Variants in SUPT3H observed in about 807,000 individuals in gnomAD.
SUPT3H encodes the protein SPT3 homolog, SAGA and STAGA complex component, also known as transcription initiation protein SPT3 homolog.
A neutral mutation model predicts 44.3 loss-of-function variants in SUPT3H; 44 were observed. That is an observed-to-expected ratio of 0.99 (90% CI 0.78 to 1.28). SUPT3H has a LOEUF of 1.28. Among genes scored for constraint, SUPT3H ranks in the 50% most tolerant of loss-of-function variants. The probability of loss-of-function intolerance (pLI) is 0.00; values close to 1 mark genes in which losing one functional copy is unlikely to be tolerated. For synonymous variants in SUPT3H, 124 were observed against 125.6 expected (o/e 0.99, Z 0.09); for missense variants, 380 against 387.1 (o/e 0.98, Z 0.15).
rs578126522 is a variant in SUPT3H, at chr6:45,328,879, T to C, written c.101+36322A>G. The C allele has an allele frequency of 6.1e-5, 78 of 1,283,570 alleles. No individual in the cohort carries two copies. In the East Asian group the frequency reaches 1.8e-3, roughly 29 times the overall value. 79.5% of individuals were successfully genotyped at this position (1,283,570 alleles called of 1,614,324 possible). On this transcript the variant is annotated intron_variant, in intron 2 of 10. Coordinates refer to ENST00000371459, the MANE Select transcript of SUPT3H (RefSeq NM_003599.4). Reference sequence around the variant, plus strand: ...AAACTGCTAGCTTTTCCAAATAGCATATTAAAGATCCTAATTATGCTATCT... The same window carrying C: ...AAACTGCTAGCTTTTCCAAATAGCACATTAAAGATCCTAATTATGCTATCT...
intron 2 of SUPT3H, among the ~76,000 whole-genome samples, chr6:45,296,281 G>A (rs1056473900): frequency 8.6e-5 from 13 of 151,674 alleles, no homozygotes; most frequent in African/African-American, 3.2e-4. Context: ...AATGAGACTA[G>A]AGACTATTAC....
chr6:45,023,409 C>T (rs978652839), intron 3 of SUPT3H, among the ~76,000 whole-genome samples: 7 of 152,086 alleles, frequency 4.6e-5, no homozygotes, highest in Non-Finnish European at 1.0e-4. Context: ...CCATTGGACC[C>T]AGCAATCCTA....
At chr6:44,913,961 T>C (rs1188462903) in intron 10 of SUPT3H, among the ~76,000 whole-genome samples, 1 of 152,168 alleles carries the variant, frequency 6.6e-6, no homozygotes, top group Non-Finnish European at 1.5e-5. Flanking sequence ...ATATTTTCCA[T>C]TTAATAGCTC....
chr6:44,867,574 A>T (rs79387618), intron 10 of SUPT3H, among the ~76,000 whole-genome samples: 1 of 147,100 alleles, frequency 6.8e-6, no homozygotes, highest in African/African-American at 2.5e-5. Flanking sequence ...ACTTTTTTTT[A>T]AGCAGTAATA....
At chr6:45,299,567 G>A (rs1781816639) in intron 2 of SUPT3H, among the ~76,000 whole-genome samples, 1 of 151,878 alleles carries the variant, frequency 6.6e-6, no homozygotes, top group Non-Finnish European at 1.5e-5. Context: ...GAGGAATACT[G>A]TACACAGTCA....
chr6:44,980,510 G>A (rs1184895069), intron 6 of SUPT3H, among the ~76,000 whole-genome samples: 1 of 152,120 alleles, frequency 6.6e-6, no homozygotes, highest in East Asian at 1.9e-4. Context: ...ACCAAACGTG[G>A]CTGAGGGTAA....
At chr6:44,835,767 A>T (rs1305090285) in intron 10 of SUPT3H, among the ~76,000 whole-genome samples, 1 of 152,090 alleles carries the variant, frequency 6.6e-6, no homozygotes, top group African/African-American at 2.4e-5. Flanking sequence ...CAAGCTTTAT[A>T]GTAAAAATCA....
At chr6:44,902,119 C>T (rs368085803) in intron 10 of SUPT3H, among the ~76,000 whole-genome samples, 6 of 152,224 alleles carry the variant, frequency 3.9e-5, no homozygotes, top group Non-Finnish European at 7.4e-5. Flanking sequence ...CATCAACTAA[C>T]GAGCAAAATC....
At chr6:44,925,023 TC>T (rs1276371635) in intron 10 of SUPT3H, among the ~76,000 whole-genome samples, 9 of 152,194 alleles carry the variant, frequency 5.9e-5, no homozygotes, top group African/African-American at 2.2e-4. Flanking sequence ...ATCAAAATGA[TC>T]AAAACAATCT....
chr6:45,131,660 T>C (rs1803487505), intron 2 of SUPT3H, among the ~76,000 whole-genome samples: 1 of 152,224 alleles, frequency 6.6e-6, no homozygotes, highest in Non-Finnish European at 1.5e-5. Flanking sequence ...ACGGAATATG[T>C]ATAAATATGA....
At chr6:45,359,142 T>A (rs1314390120) in intron 2 of SUPT3H, among the ~76,000 whole-genome samples, 1 of 152,178 alleles carries the variant, frequency 6.6e-6, no homozygotes, top group East Asian at 1.9e-4. Flanking sequence ...ATGAGAGAAT[T>A]GATAGTAATA....
At chr6:45,024,762 C>T (rs1785701231) in intron 3 of SUPT3H, among the ~76,000 whole-genome samples, 1 of 152,186 alleles carries the variant, frequency 6.6e-6, no homozygotes, top group Admixed American at 6.5e-5. Context: ...AATCAGTAGA[C>T]TGAGTAGCAG....
intron 2 of SUPT3H, among the ~76,000 whole-genome samples, chr6:45,156,161 A>G (rs1013671542): frequency 2.0e-5 from 3 of 152,190 alleles, no homozygotes; most frequent in Non-Finnish European, 2.9e-5. Flanking sequence ...ACGATGCTTA[A>G]AAACATTTTA....
chr6:45,339,511 T>C (rs1012851068), intron 2 of SUPT3H, among the ~76,000 whole-genome samples: 5 of 152,112 alleles, frequency 3.3e-5, no homozygotes, highest in African/African-American at 1.2e-4. Context: ...TTCCTTCCTT[T>C]TCTTCCAATA....
intron 6 of SUPT3H, among the ~76,000 whole-genome samples, chr6:44,984,253 A>C (rs10948194): frequency 0.42 from 63,282 of 151,920 alleles, 13,551 homozygotes; most frequent in East Asian, 0.69. Flanking sequence ...TAATCCAGTG[A>C]GCTGGGCCTG....
intron 6 of SUPT3H, among the ~76,000 whole-genome samples, chr6:44,969,443 C>G (rs921956343): frequency 2.0e-5 from 3 of 151,698 alleles, no homozygotes; most frequent in Non-Finnish European, 4.4e-5. Context: ...ACAGAAAAAG[C>G]ATTTCAAAAG....
At chr6:45,290,425 T>A (rs1288705133) in intron 2 of SUPT3H, among the ~76,000 whole-genome samples, 1 of 144,626 alleles carries the variant, frequency 6.9e-6, no homozygotes, top group Admixed American at 7.1e-5. Context: ...TAAGTGAATC[T>A]CTTCTGGAAA....
At chr6:44,987,499 G>A (rs903859184) in intron 6 of SUPT3H, among the ~76,000 whole-genome samples, 5 of 152,130 alleles carry the variant, frequency 3.3e-5, no homozygotes, top group Non-Finnish European at 7.4e-5. Flanking sequence ...GATGGAGATG[G>A]AGAATTGACC....
At chr6:45,143,164 T>C (rs1184617309) in intron 2 of SUPT3H, among the ~76,000 whole-genome samples, 1 of 151,902 alleles carries the variant, frequency 6.6e-6, no homozygotes, top group Admixed American at 6.6e-5. Context: ...AGACAGCAAA[T>C]CGACATAGAA....
Sources: allele counts gnomAD v4.1 joint callset (sites outside exome capture counted in the v4.1 genomes callset), GRCh38; gene constraint gnomAD v4.1.1; transcripts MANE v1.5; gene names NCBI Gene and HGNC (gene_info 2026-07-23, HGNC 2026-07-21).